The following SRRM4 variants were observed in gnomAD, a reference collection of about 807,000 sequenced individuals.
SRRM4 encodes the protein serine/arginine repetitive matrix 4, also known as serine/arginine repetitive matrix protein 4.
A neutral mutation model predicts 68.9 loss-of-function variants in SRRM4; 33 were observed. The ratio of observed to expected loss-of-function variants is 0.48; its 90% CI spans 0.36 to 0.64. The LOEUF (loss-of-function observed/expected upper bound fraction) is 0.64. Ranked by LOEUF, SRRM4 falls within the 30% of genes least tolerant of loss-of-function variation. The pLI is 0.00. For missense variants in SRRM4, 817 were observed against 827.1 expected, an observed-to-expected ratio of 0.99 and a Z score of 0.15; for synonymous variants, 318 against 318.8, an observed-to-expected ratio of 1.00 and a Z score of 0.03.
chr12:119,031,820 A>T (rs1953593790), intron 1 of SRRM4, among the ~76,000 whole-genome samples: 1 of 152,066 alleles, frequency 6.6e-6, no homozygotes, highest in Non-Finnish European at 1.5e-5. Flanking sequence ...AAGTTTTAAT[A>T]GAATAAAGAT....
intron 8 of SRRM4, among the ~76,000 whole-genome samples, chr12:119,143,248 A>G (rs1954377747): frequency 6.6e-6 from 1 of 152,214 alleles, no homozygotes; most frequent in Non-Finnish European, 1.5e-5. Flanking sequence ...AATTGCTGAG[A>G]AGGCAGAAAT....
rs549911373 is a variant in SRRM4, at chr12:119,073,236, A to G, written c.132-29000A>G. 2.6e-5 allele frequency among the ~76,000 whole-genome samples: 4 copies of G among 152,080 alleles called. No individual in the cohort carries two copies. In the East Asian group the frequency reaches 7.7e-4, roughly 29 times the overall value. ...TAAGAATATTTGGTTTGATCCTGGC[A>G]CTACTCCTTACTTGCTGTGTGACCT... On this transcript the variant is annotated intron_variant, in intron 1 of 12. Coordinates refer to ENST00000267260, the MANE Select transcript of SRRM4 (RefSeq NM_194286.4).
At chr12:118,987,847 G>A (rs1184481374) in intron 1 of SRRM4, among the ~76,000 whole-genome samples, 3 of 152,206 alleles carry the variant, frequency 2.0e-5, no homozygotes, top group African/African-American at 7.2e-5. Context: ...AGAAAAGGTA[G>A]ACACAACATA....
intron 1 of SRRM4, chr12:119,001,026 A>T (rs1594021022): frequency 1.4e-5 from 1 of 72,802 alleles, no homozygotes; most frequent in Non-Finnish European, 4.1e-5. Flanking sequence ...CCATTAAATG[A>T]GGGTGGCATA....
At chr12:118,998,608 TCTC>T (rs1167917303) in intron 1 of SRRM4, among the ~76,000 whole-genome samples, 1 of 152,238 alleles carries the variant, frequency 6.6e-6, no homozygotes, top group Admixed American at 6.5e-5. Flanking sequence ...CTGGATTCCC[TCTC>T]CTAACACATT....
chr12:119,161,724 A>C lies in SRRM4; in HGVS notation c.*4926A>C, dbSNP rs547268167. 6.5e-6 allele frequency: 1 copy of C among 152,746 alleles called. No individual in the cohort carries two copies. Among genetic ancestry groups the C allele is most frequent in the African/African-American group, 2.4e-5 (1 of 41,580 alleles). The allele number at this position is 152,746 out of a possible 1,614,324, so 9.5% of individuals were successfully genotyped here. ...GTAAGGAGTGCTAGAATCACCAAGC[A>C]AATTGAAATTGGCAGAAATGGAGGC... On this transcript the variant is annotated 3_prime_UTR_variant, in exon 13 of 13. Transcript: ENST00000267260.
At chr12:119,119,806 T>C (rs1414923658) in intron 4 of SRRM4, among the ~76,000 whole-genome samples, 1 of 151,844 alleles carries the variant, frequency 6.6e-6, no homozygotes, top group Non-Finnish European at 1.5e-5. Flanking sequence ...GAAGATGAGA[T>C]GGAGAATGGA....
At chr12:119,045,855 T>C (rs1953704121) in intron 1 of SRRM4, among the ~76,000 whole-genome samples, 1 of 151,920 alleles carries the variant, frequency 6.6e-6, no homozygotes, top group South Asian at 2.1e-4. Flanking sequence ...CTGGCCAATA[T>C]GGTAAAACCC....
At chr12:118,996,486 A>T (rs777497532) in intron 1 of SRRM4, among the ~76,000 whole-genome samples, 3 of 152,234 alleles carry the variant, frequency 2.0e-5, no homozygotes, top group Non-Finnish European at 2.9e-5. Flanking sequence ...ATAACTAGTG[A>T]CTAGAAAGCA....
intron 1 of SRRM4, among the ~76,000 whole-genome samples, chr12:119,064,154 T>C (rs1953831372): frequency 6.6e-6 from 1 of 152,244 alleles, no homozygotes; most frequent in African/African-American, 2.4e-5. Flanking sequence ...AAGGCTTCCT[T>C]GGCCATTTCA....
intron 1 of SRRM4, among the ~76,000 whole-genome samples, chr12:119,085,270 A>G (rs1042346324): frequency 5.3e-5 from 8 of 152,122 alleles, no homozygotes; most frequent in African/African-American, 1.9e-4. Context: ...AGCTTTACAT[A>G]TTTTCACCAT....
intron 8 of SRRM4, among the ~76,000 whole-genome samples, chr12:119,143,934 C>T (rs1277836341): frequency 6.6e-6 from 1 of 152,150 alleles, no homozygotes; most frequent in East Asian, 1.9e-4. Flanking sequence ...TCCCTCCCAT[C>T]CGCAGCTAAG....
intron 7 of SRRM4, among the ~76,000 whole-genome samples, chr12:119,129,154 C>G (rs1052615899): frequency 6.6e-6 from 1 of 152,194 alleles, no homozygotes; most frequent in African/African-American, 2.4e-5. Flanking sequence ...AGCTTCGGCT[C>G]CCTCATCTGT....
rs147554891 is a variant in SRRM4, at chr12:119,075,929, G to T, written c.132-26307G>T. Among the ~76,000 whole-genome samples, 3 of 77,814 alleles carry T rather than the reference G, an allele frequency of 3.9e-5. No homozygotes were observed. In the East Asian group the frequency reaches 1.2e-3, roughly 30 times the overall value. 51.0% of individuals were successfully genotyped at this position (77,814 alleles called of 152,430 possible). A position where few individuals can be genotyped will look rare whatever the true frequency, so the allele number is the denominator to read the frequency against. ...GATGGTGATGATGATGATGATGGTG[G>T]TGATGGTGATGATGATGGTGGTAAT... On this transcript the variant is annotated intron_variant, in intron 1 of 12. Coordinates refer to ENST00000267260, the MANE Select transcript of SRRM4 (RefSeq NM_194286.4).
At chr12:119,102,632 T>C (rs552247430) in intron 2 of SRRM4, among the ~76,000 whole-genome samples, 3 of 152,314 alleles carry the variant, frequency 2.0e-5, no homozygotes, top group East Asian at 1.9e-4. Flanking sequence ...AAAAAGCATA[T>C]CTGTGTTCCA....
chr12:118,987,952 T>C lies in SRRM4; in HGVS notation c.131+5939T>C, dbSNP rs181101741. Reference sequence around the variant, plus strand: ...ATTTGGGGGATACATAGTGGTGTTGTGATACATATAATGTACAGTGATCAG... The same window carrying C: ...ATTTGGGGGATACATAGTGGTGTTGCGATACATATAATGTACAGTGATCAG... On this transcript the variant is annotated intron_variant, in intron 1 of 12. Coordinates refer to ENST00000267260, the MANE Select transcript of SRRM4 (RefSeq NM_194286.4). 7.2e-3 allele frequency among the ~76,000 whole-genome samples: 1,092 copies of C among 152,362 alleles called. 6 individuals carry two copies. The highest frequency in any genetic ancestry group is 0.012 in the Non-Finnish European group (810 of 68,028).
chr12:119,100,802 G>T (rs1954073612), intron 1 of SRRM4, among the ~76,000 whole-genome samples: 1 of 152,212 alleles, frequency 6.6e-6, no homozygotes, highest in South Asian at 2.1e-4. Flanking sequence ...CAGAAGTAAA[G>T]ACATGGAAAG....
chr12:119,130,424 T>TGGATGGAG (rs1555220476), intron 7 of SRRM4, among the ~76,000 whole-genome samples: 9,328 of 150,642 alleles, frequency 0.062, 615 homozygotes, highest in African/African-American at 0.16. Context: ...GATGGATGGA[T>TGGATGGAG]GGATGGATGG....
Position 119,075,908 on chromosome 12 carries a change from GTGA to G in SRRM4, c.132-26313_132-26311del, listed in dbSNP as rs1425158280. On this transcript the variant is annotated intron_variant, in intron 1 of 12. Transcript: ENST00000267260. ...AGTGATGATGATGGTAGCGATGATG[GTGA>G]TGATGATGATGATGGTGGTGATGGT... 8.3e-5 allele frequency among the ~76,000 whole-genome samples: 8 copies of G among 96,578 alleles called. 1 individual carries two copies. Among genetic ancestry groups the G allele is most frequent in the South Asian group, 7.4e-4 (2 of 2,720 alleles). 63.4% of individuals were successfully genotyped at this position (96,578 alleles called of 152,430 possible). A position where few individuals can be genotyped will look rare whatever the true frequency, so the allele number is the denominator to read the frequency against.
Sources: gnomAD v4.1 joint callset for allele counts (sites outside exome capture counted in the v4.1 genomes callset) on GRCh38, gnomAD v4.1.1 for gene constraint, MANE v1.5 for transcripts, NCBI Gene and HGNC (gene_info 2026-07-23, HGNC 2026-07-21) for gene names.